The following ADAM28 variants were observed in gnomAD, a reference collection of about 807,000 sequenced individuals.
ADAM28 encodes the protein disintegrin and metalloproteinase domain-containing protein 28.
ADAM28 carries 105 observed loss-of-function variants against 101.2 expected under a neutral mutation model. That is an observed-to-expected ratio of 1.04 (90% CI 0.89 to 1.22). The LOEUF is 1.22. ADAM28 is among the 50% of genes most tolerant of loss of function. The pLI is 0.00. For synonymous variants in ADAM28, 322 were observed against 310.6 expected (o/e 1.04, Z -0.39); for missense variants, 1,028 against 945.4 (o/e 1.09, Z -1.15).
intron 21 of ADAM28, among the ~76,000 whole-genome samples, chr8:24,352,602 G>T (rs1816297510): frequency 6.6e-6 from 1 of 152,054 alleles, no homozygotes; most frequent in Admixed American, 6.6e-5. Context: ...TGGGGATTAG[G>T]GTTTCAACAT....
At chr8:24,341,434 C>T (rs757014848) in intron 15 of ADAM28, 164 bp from the exon 16 acceptor site, 18 of 684,144 alleles carry the variant, frequency 2.6e-5, no homozygotes, top group Middle Eastern at 4.1e-4. Flanking sequence ...ATTGTGCTAA[C>T]GTTCAGGCAT....
chr8:24,321,170 A>T (rs1186103203), intron 7 of ADAM28, 48 bp from the exon 8 acceptor site: 2 of 1,175,404 alleles, frequency 1.7e-6, no homozygotes, highest in South Asian at 2.5e-5. Context: ...CCTTCCAAGT[A>T]TATTCATTTT....
At chr8:24,345,822 T>G (rs905274379) in intron 18 of ADAM28, among the ~76,000 whole-genome samples, 5 of 152,100 alleles carry the variant, frequency 3.3e-5, no homozygotes, top group Non-Finnish European at 7.4e-5. Flanking sequence ...TTACGGTATA[T>G]TACATGAAAT....
chr8:24,339,169 G>A (rs1401227438), intron 14 of ADAM28, among the ~76,000 whole-genome samples: 4 of 152,040 alleles, frequency 2.6e-5, no homozygotes. Flanking sequence ...GATTACCTGA[G>A]ACATGAAATA....
At chr8:24,323,798 T>A in intron 8 of ADAM28, 36 bp from the exon 9 acceptor site, 1 of 1,571,872 alleles carries the variant, frequency 6.4e-7, no homozygotes, top group Non-Finnish European at 8.7e-7. Flanking sequence ...ATCACCATTA[T>A]AATTAATTGC....
Position 24,332,708 on chromosome 8 carries a change from A to G in ADAM28, c.1330A>G (p.Thr444Ala), listed in dbSNP as rs1426406301. ...TGCTAAGACATGTAAAATCAAAGCA[A>G]CTTTTCAATGTGCATTAGGAGAATG... ...CDAKTCKIKA[T>A]FQCALGECCE... The change falls in exon 13 of 23, where the codon ACT (threonine) becomes GCT (alanine). Residue 444 changes from threonine to alanine, a missense_variant. Transcript: ENST00000265769. 2 of 1,523,806 alleles carry G rather than the reference A, an allele frequency of 1.3e-6. No homozygotes were observed. The highest frequency in any genetic ancestry group is 1.8e-6 in the Non-Finnish European group (2 of 1,127,074). The allele number at this position is 1,523,806 out of a possible 1,614,324, so 94.4% of individuals were successfully genotyped here.
intron 5 of ADAM28, 48 bp downstream of exon 5, chr8:24,311,485 T>C (rs1229155181): frequency 6.7e-7 from 1 of 1,495,944 alleles, no homozygotes; most frequent in Non-Finnish European, 9.2e-7. Flanking sequence ...GTGGTATTTA[T>C]GTATGTATCT....
chr8:24,300,081 C>T lies in ADAM28; in HGVS notation c.150+4C>T. 6.2e-7 allele frequency: 1 copy of T among 1,610,238 alleles called. No homozygotes were observed. The highest frequency in any genetic ancestry group is 8.5e-7 in the Non-Finnish European group (1 of 1,178,052). ...GGCCAAAGAGCCAGAGCAACAGGTA[C>T]AGCTTTTGATTTATCAAAGGATCTT... is the stretch of plus-strand genomic sequence containing the variant. On this transcript the variant is annotated splice_donor_region_variant and intron_variant, in intron 2 of 22. Coordinates refer to ENST00000265769, the MANE Select transcript of ADAM28 (RefSeq NM_014265.6).
chr8:24,336,039 GGTGTGTGTGT>G (rs71212527), intron 14 of ADAM28: 3 of 852,246 alleles, frequency 3.5e-6, no homozygotes, highest in African/African-American at 2.0e-5. Flanking sequence ...TGTGTGTGCG[GGTGTGTGTGT>G]GTGTGTGTGT....
In ADAM28 at chr8:24,335,497, C is replaced by T; in HGVS notation, c.1423C>T (p.Pro475Ser). Residue 475 changes from proline to serine, a missense_variant, in exon 14 of 23, where the codon CCT becomes TCT. Pro to Ser is a moderately conservative substitution (Grantham distance 74). Coordinates refer to ENST00000265769, the MANE Select transcript of ADAM28 (RefSeq NM_014265.6). ...ACCAGCAAAAGATGAGTGCGACCTG[C>T]CTGAAATGTGTAATGGTAAATCTGG... ...CRPAKDECDL[P>S]EMCNGKSGNC... 4 of 1,614,056 alleles carry T rather than the reference C, an allele frequency of 2.5e-6. No individual in the cohort carries two copies. Among genetic ancestry groups the T allele is most frequent in the Non-Finnish European group, 3.4e-6 (4 of 1,179,940 alleles).
chr8:24,347,823 A>T (rs947491203), intron 18 of ADAM28, among the ~76,000 whole-genome samples: 12 of 152,104 alleles, frequency 7.9e-5, no homozygotes, highest in Admixed American at 3.9e-4. Flanking sequence ...GAGACCATAT[A>T]GCTGTAACGT....
chr8:24,307,538 GTAT>G (rs1269371281), intron 2 of ADAM28, among the ~76,000 whole-genome samples: 1 of 152,158 alleles, frequency 6.6e-6, no homozygotes, highest in Non-Finnish European at 1.5e-5. Context: ...ATTCACGATT[GTAT>G]TTATATGAAT....
intron 2 of ADAM28, among the ~76,000 whole-genome samples, chr8:24,309,250 G>T (rs1810108778): frequency 2.0e-5 from 3 of 151,976 alleles, no homozygotes; most frequent in Non-Finnish European, 4.4e-5. Flanking sequence ...CTTCTTGATG[G>T]TTCTTCCTCA....
chr8:24,307,054 C>T (rs936360091), intron 2 of ADAM28, among the ~76,000 whole-genome samples: 2 of 152,166 alleles, frequency 1.3e-5, no homozygotes, highest in Non-Finnish European at 2.9e-5. Flanking sequence ...CTAATAAGAA[C>T]ACTGTCTTCT....
intron 15 of ADAM28, among the ~76,000 whole-genome samples, chr8:24,340,612 C>A (rs893439273): frequency 3.3e-5 from 5 of 152,132 alleles, no homozygotes; most frequent in African/African-American, 7.2e-5. Flanking sequence ...CTCCTTCACC[C>A]CACAAACTAC....
Position 24,356,380 on chromosome 8 carries a change from T to G in ADAM28, c.*1976T>G, listed in dbSNP as rs930120961. 6.6e-6 allele frequency: 1 copy of G among 152,160 alleles called. No homozygotes were observed. Among genetic ancestry groups the G allele is most frequent in the African/African-American group, 2.4e-5 (1 of 41,438 alleles). 9.4% of individuals were successfully genotyped at this position (152,160 alleles called of 1,614,324 possible). ...AAATCTATGAATCCTCAACTAGCCA[T>G]GTACCATAACCCAAGCAAAAACTAA... On this transcript the variant is annotated 3_prime_UTR_variant, in exon 23 of 23. Transcript: ENST00000265769.
chr8:24,348,132 A>G (rs1815634361), intron 18 of ADAM28, among the ~76,000 whole-genome samples: 1 of 151,658 alleles, frequency 6.6e-6, no homozygotes, highest in African/African-American at 2.4e-5. Context: ...AGACTTATTG[A>G]TTTTATTATT....
intron 2 of ADAM28, 68 bp from the exon 3 acceptor site, chr8:24,309,826 C>G (rs1023015396): frequency 8.4e-7 from 1 of 1,190,720 alleles, no homozygotes; most frequent in East Asian, 2.3e-5. Flanking sequence ...AATGACTACA[C>G]AGATAGAAAT....
At chr8:24,342,961 C>A in intron 16 of ADAM28, 140 bp from the exon 17 acceptor site, 1 of 1,425,312 alleles carries the variant, frequency 7.0e-7, no homozygotes, top group South Asian at 1.5e-5. Flanking sequence ...CAACAGAGCC[C>A]GTCTCTGTTT....
Sources: gnomAD v4.1 joint callset for allele counts (sites outside exome capture counted in the v4.1 genomes callset) on GRCh38, gnomAD v4.1.1 for gene constraint, MANE v1.5 for transcripts, NCBI Gene and HGNC (gene_info 2026-07-23, HGNC 2026-07-21) for gene names.